The following MYPN variants were observed in gnomAD, a reference collection of about 807,000 sequenced individuals.
MYPN encodes the protein myopalladin, also known as sarcomeric protein myopalladin, 145 kDa (MYOP).
A neutral mutation model predicts 129.4 loss-of-function variants in MYPN; 63 were observed. The observed-to-expected ratio is 0.49, with a 90% confidence interval of 0.40 to 0.60. The LOEUF (loss-of-function observed/expected upper bound fraction) is 0.60, where lower values mean the gene tolerates loss of function less well. Ranked by LOEUF, MYPN falls within the 20% of genes least tolerant of loss-of-function variation. MYPN has a pLI of 0.00. For synonymous variants in MYPN, 629 were observed against 600.9 expected (o/e 1.05, Z -0.68); for missense variants, 1,596 against 1,635.4 (o/e 0.98, Z 0.42).
At chr10:68,153,204 T>G (rs1255109373) in intron 6 of MYPN, among the ~76,000 whole-genome samples, 1 of 151,816 alleles carries the variant, frequency 6.6e-6, no homozygotes, top group African/African-American at 2.4e-5. Flanking sequence ...CTGGCTGGTC[T>G]GGAACTCCGA....
At chr10:68,126,519 C>T (rs920196292) in intron 2 of MYPN, among the ~76,000 whole-genome samples, 22 of 152,224 alleles carry the variant, frequency 1.4e-4, no homozygotes, top group African/African-American at 2.4e-4. Context: ...TAGGAAGCTG[C>T]GGAAGGTATC....
At chr10:68,095,649 A>G (rs74143005) in intron 1 of MYPN, among the ~76,000 whole-genome samples, 30 of 152,358 alleles carry the variant, frequency 2.0e-4, no homozygotes, top group African/African-American at 7.0e-4. Flanking sequence ...AGTTTTCTTT[A>G]AAGACAAAAC....
At chr10:68,170,016 G>A (rs910192775) in intron 10 of MYPN, among the ~76,000 whole-genome samples, 11 of 152,140 alleles carry the variant, frequency 7.2e-5, no homozygotes, top group Admixed American at 2.0e-4. Flanking sequence ...GGGATTACAG[G>A]TGTGAGCCAC....
chr10:68,115,347 C>T (rs987130163), intron 1 of MYPN, among the ~76,000 whole-genome samples: 1 of 151,304 alleles, frequency 6.6e-6, no homozygotes, highest in Non-Finnish European at 1.5e-5. Flanking sequence ...TTTCCTGAAA[C>T]CTGCTCCTGC....
At chr10:68,111,046 T>C (rs2042074307) in intron 1 of MYPN, among the ~76,000 whole-genome samples, 1 of 152,202 alleles carries the variant, frequency 6.6e-6, no homozygotes, top group African/African-American at 2.4e-5. Context: ...CAGTCTTCCA[T>C]ATATCTACAA....
intron 10 of MYPN, among the ~76,000 whole-genome samples, 183 bp downstream of exon 10, chr10:68,166,849 T>C (rs939704895): frequency 1.1e-4 from 16 of 151,928 alleles, no homozygotes; most frequent in Non-Finnish European, 1.5e-4. Context: ...GGAAAAATAG[T>C]GAGACCTCTG....
Position 68,168,506 on chromosome 10 carries a change from G to A in MYPN, c.1973+1840G>A, listed in dbSNP as rs183541715. Among the ~76,000 whole-genome samples the A allele has an allele frequency of 1.5e-3, 227 of 152,318 alleles. 2 individuals carry two copies. The highest frequency in any genetic ancestry group is 5.2e-3 in the African/African-American group (218 of 41,562). On this transcript the variant is annotated intron_variant, in intron 10 of 19. Coordinates refer to ENST00000358913, the MANE Select transcript of MYPN (RefSeq NM_032578.4). ...GGGAAATACAGTCTCCAGAGGTCCT[G>A]AGAAAGTGCACCCAAGGCAGTCAGG... is the stretch of plus-strand genomic sequence containing the variant.
intron 10 of MYPN, among the ~76,000 whole-genome samples, chr10:68,169,785 G>C (rs1564677503): frequency 6.6e-6 from 1 of 151,714 alleles, no homozygotes; most frequent in East Asian, 1.9e-4. Flanking sequence ...TGTCACCCAG[G>C]CTGGAGTGCA....
intron 1 of MYPN, among the ~76,000 whole-genome samples, chr10:68,091,651 C>T (rs1048559665): frequency 1.3e-5 from 2 of 151,774 alleles, no homozygotes; most frequent in African/African-American, 4.8e-5. Flanking sequence ...CCCACTTAGC[C>T]TCCCAAAGTG....
At chr10:68,177,704 C>T (rs1039179657) in intron 12 of MYPN, among the ~76,000 whole-genome samples, 13 of 152,104 alleles carry the variant, frequency 8.5e-5, no homozygotes, top group African/African-American at 3.1e-4. Flanking sequence ...GAAGAGACCC[C>T]TGTGTATTGA....
chr10:68,159,319 C>T (rs1467553028), intron 7 of MYPN, among the ~76,000 whole-genome samples: 3 of 152,262 alleles, frequency 2.0e-5, no homozygotes, highest in South Asian at 2.1e-4. Context: ...ACCAACAATA[C>T]GTGGGAATGC....
chr10:68,175,436 T>C lies in MYPN; in HGVS notation c.2678T>C (p.Phe893Ser), dbSNP rs2043212904. ...VIRDLGKKIT[F>S]SDVRPNQQEY... ...CGAGACTTGGGGAAAAAAATAACTT[T>C]CAGTGATGTCAGACCAAACCAGCAG... Residue 893 changes from phenylalanine (F) to serine (S), a missense_variant, in exon 12 of 20, where the codon TTC (phenylalanine) becomes TCC (serine). By Grantham distance (155) the Phe-to-Ser change is radical. Transcript: ENST00000358913. 1.9e-6 allele frequency: 3 copies of C among 1,614,156 alleles called. No homozygotes were observed. Among genetic ancestry groups the C allele is most frequent in the African/African-American group, 2.7e-5 (2 of 75,052 alleles).
chr10:68,149,553 C>T lies in MYPN; in HGVS notation c.1246-487C>T, dbSNP rs2134094981. Among the ~76,000 whole-genome samples, 3 of 152,268 alleles carry T rather than the reference C, an allele frequency of 2.0e-5. 1 individual carries two copies. The South Asian group carries it at 6.2e-4, about 32-fold the overall frequency. Reference sequence around the variant, plus strand: ...GCCTCAAGCCATCCTCCCGCCTCAGCCTCCCAAAGTGCTAGAATTACAGCT... The same window carrying T: ...GCCTCAAGCCATCCTCCCGCCTCAGTCTCCCAAAGTGCTAGAATTACAGCT... On this transcript the variant is annotated intron_variant, in intron 5 of 19. Coordinates refer to ENST00000358913, the MANE Select transcript of MYPN (RefSeq NM_032578.4).
At chr10:68,198,653 A>T (rs1469619950) in intron 16 of MYPN, among the ~76,000 whole-genome samples, 1 of 152,234 alleles carries the variant, frequency 6.6e-6, no homozygotes, top group Non-Finnish European at 1.5e-5. Flanking sequence ...CACTTATGGT[A>T]AATGGGCACC....
intron 1 of MYPN, among the ~76,000 whole-genome samples, chr10:68,092,576 C>T (rs1353867474): frequency 6.6e-6 from 1 of 151,586 alleles, no homozygotes; most frequent in Non-Finnish European, 1.5e-5. Flanking sequence ...CTTATAAATA[C>T]AGGAATGCTA....
In MYPN at chr10:68,210,924, T is replaced by C. The variant is rs1215412600; in HGVS notation, c.*469T>C. On this transcript the variant is annotated 3_prime_UTR_variant, in exon 20 of 20. Transcript: ENST00000358913. ...CTTTCATCGATTACATGTATAGCAG[T>C]AGTTTTGGTGAATTCACCAAATCAG... 5 of 454,706 alleles carry C rather than the reference T, an allele frequency of 1.1e-5. No homozygotes were observed. The highest frequency in any genetic ancestry group is 1.8e-5 in the Non-Finnish European group (4 of 226,966). 28.2% of individuals were successfully genotyped at this position (454,706 alleles called of 1,614,324 possible).
chr10:68,118,659 C>A (rs1410311607), intron 1 of MYPN, among the ~76,000 whole-genome samples: 1 of 152,022 alleles, frequency 6.6e-6, no homozygotes, highest in East Asian at 1.9e-4. Context: ...CATAGAGAGA[C>A]CTCGTTCCTA....
intron 12 of MYPN, among the ~76,000 whole-genome samples, chr10:68,177,883 C>A (rs1347833099): frequency 6.6e-6 from 1 of 152,110 alleles, no homozygotes; most frequent in Non-Finnish European, 1.5e-5. Context: ...TTCTCTTGCC[C>A]TATTTTAGTT....
intron 12 of MYPN, among the ~76,000 whole-genome samples, chr10:68,181,846 C>T (rs1362084604): frequency 6.6e-6 from 1 of 152,034 alleles, no homozygotes; most frequent in Non-Finnish European, 1.5e-5. Flanking sequence ...GCATAGCAAG[C>T]TCTCCAAGCT....
Sources: gnomAD v4.1 joint callset for allele counts (sites outside exome capture counted in the v4.1 genomes callset) on GRCh38, gnomAD v4.1.1 for gene constraint, MANE v1.5 for transcripts, NCBI Gene and HGNC (gene_info 2026-07-23, HGNC 2026-07-21) for gene names.